ENTPD4: variants seen among roughly 807,000 people sequenced by gnomAD.
ENTPD4 encodes the protein ectonucleoside triphosphate diphosphohydrolase 4.
In ENTPD4, 60 loss-of-function variants were observed where a neutral mutation model predicts 79.1. The ratio of observed to expected loss-of-function variants is 0.76; its 90% CI spans 0.62 to 0.94. ENTPD4 has a LOEUF of 0.94. ENTPD4 is among the 40% of genes least tolerant of loss of function. ENTPD4 has a pLI of 0.00. For missense variants in ENTPD4, 772 were observed against 775.1 expected, an observed-to-expected ratio of 1.00 and a Z score of 0.05; for synonymous variants, 276 against 292.0, an observed-to-expected ratio of 0.95 and a Z score of 0.56.
rs1800461111 is a variant in ENTPD4 at position 23,431,926 on chromosome 8, T to C, written c.*1000A>G. On this transcript the variant is annotated 3_prime_UTR_variant, in exon 13 of 13. Coordinates refer to ENST00000358689, the MANE Select transcript of ENTPD4 (RefSeq NM_004901.5). ...AAAAGATAACAGTAACGAGGATTTT[T>C]CTAAATAAAATGTACCAGTAAATTC... is the stretch of plus-strand genomic sequence containing the variant. The C allele has an allele frequency of 1.0e-6, 1 of 985,320 alleles. No individual in the cohort carries two copies. Among genetic ancestry groups the C allele is most frequent in the Non-Finnish European group, 1.2e-6 (1 of 829,944 alleles). 61.0% of individuals were successfully genotyped at this position (985,320 alleles called of 1,614,324 possible).
Position 23,455,469 on chromosome 8 carries a change from G to A in ENTPD4, c.-98+2088C>T, listed in dbSNP as rs189993374. On this transcript the variant is annotated intron_variant, in intron 1 of 12. Coordinates refer to ENST00000358689, the MANE Select transcript of ENTPD4 (RefSeq NM_004901.5). ...GATGTGGAGGCTGCCGGGTGGCACC[G>A]TTACTCAGTAGTGACAAAAGATACA... Among the ~76,000 whole-genome samples, 406 of 151,734 alleles carry A rather than the reference G, an allele frequency of 2.7e-3. 2 individuals carry two copies. Among genetic ancestry groups the A allele is most frequent in the African/African-American group, 9.4e-3 (389 of 41,258 alleles).
At chr8:23,435,565 A>C (rs1800542754) in intron 10 of ENTPD4, 88 bp from the exon 11 acceptor site, 2 of 897,058 alleles carry the variant, frequency 2.2e-6, no homozygotes, top group Non-Finnish European at 3.6e-6. Flanking sequence ...TATATTTGTA[A>C]CAAGCATATC....
intron 4 of ENTPD4, among the ~76,000 whole-genome samples, chr8:23,447,308 A>G (rs894579147): frequency 9.2e-5 from 14 of 152,246 alleles, no homozygotes; most frequent in African/African-American, 2.4e-5. Context: ...ATATGCCAAT[A>G]TATTACAGAT....
In ENTPD4 at chr8:23,433,260, G is replaced by A; in HGVS notation, c.1623-106C>T. ...CCCAGGCCCCAGAGCTGCACTTTAGGAACTGCAACCCTACCTCTGAAATGG... is the reference window on the plus strand; with the variant it reads ...CCCAGGCCCCAGAGCTGCACTTTAGAAACTGCAACCCTACCTCTGAAATGG... On this transcript the variant is annotated intron_variant, in intron 12 of 12. Coordinates refer to ENST00000358689, the MANE Select transcript of ENTPD4 (RefSeq NM_004901.5). 8.3e-6 allele frequency: 7 copies of A among 842,208 alleles called. No homozygotes were observed. The South Asian group carries it at 1.2e-4, about 14-fold the overall frequency. 52.2% of individuals were successfully genotyped at this position (842,208 alleles called of 1,614,324 possible). A position where few individuals can be genotyped will look rare whatever the true frequency, so the allele number is the denominator to read the frequency against.
Position 23,441,681 on chromosome 8 carries a change from C to T in ENTPD4, c.770G>A (p.Ser257Asn). The T allele has an allele frequency of 1.2e-6, 2 of 1,614,140 alleles. No individual in the cohort carries two copies. The highest frequency in any genetic ancestry group is 1.7e-6 in the Non-Finnish European group (2 of 1,180,022). Residue 257 changes from serine to asparagine, a missense_variant, in exon 8 of 13, where the codon AGC (serine) becomes AAC (asparagine). Transcript: ENST00000358689. ...CCTTTTACGGACAATGGCTTCGCTG[C>T]TTTCACTTCCAGGAATGTTAACTTC... ...VVEVNIPGSE[S>N]SEAIVRKRTA... is the part of the protein sequence containing the mutation.
intron 9 of ENTPD4, 126 bp from the exon 10 acceptor site, chr8:23,437,384 G>A: frequency 1.5e-6 from 1 of 661,300 alleles, no homozygotes. Context: ...CGTGTCTGTG[G>A]AACAGAAAAG....
At chr8:23,450,134 C>CCTG in intron 1 of ENTPD4, 137 bp from the exon 2 acceptor site, 1 of 575,856 alleles carries the variant, frequency 1.7e-6, no homozygotes, top group Non-Finnish European at 3.1e-6. Flanking sequence ...AGGGTTTATT[C>CCTG]TGAGCAACAC....
Position 23,454,461 on chromosome 8 carries a change from C to A in ENTPD4, c.-98+3096G>T, listed in dbSNP as rs553344803. 1.0e-3 allele frequency among the ~76,000 whole-genome samples: 152 copies of A among 152,242 alleles called. 1 individual carries two copies. Among genetic ancestry groups the A allele is most frequent in the African/African-American group, 3.5e-3 (147 of 41,550 alleles). On this transcript the variant is annotated intron_variant, in intron 1 of 12. Coordinates refer to ENST00000358689, the MANE Select transcript of ENTPD4 (RefSeq NM_004901.5). ...ATTTCATGGAGTTTGCAGATTGCTA[C>A]AGAGAAAATACTAATGCCCAGAAAA...
chr8:23,444,448 A>C lies in ENTPD4; in HGVS notation c.563+8T>G. On this transcript the variant is annotated splice_region_variant and intron_variant, in intron 5 of 12. Transcript: ENST00000358689. ...CACCCTCACCCTTGCCCTTCTGTGG[A>C]GGATCACCTTTCGGGGAGGATTCTC... 6.2e-7 allele frequency: 1 copy of C among 1,613,062 alleles called. No homozygotes were observed. Among genetic ancestry groups the C allele is most frequent in the Non-Finnish European group, 8.5e-7 (1 of 1,179,338 alleles).
chr8:23,446,729 C>T (rs1328072398), intron 4 of ENTPD4, among the ~76,000 whole-genome samples: 1 of 151,852 alleles, frequency 6.6e-6, no homozygotes, highest in Non-Finnish European at 1.5e-5. Context: ...AATGAGGACT[C>T]GAGGGGTCAC....
chr8:23,433,202 G>C (rs1392361682), intron 12 of ENTPD4, 48 bp from the exon 13 acceptor site: 2 of 1,547,486 alleles, frequency 1.3e-6, no homozygotes, highest in Non-Finnish European at 1.8e-6. Flanking sequence ...AGCAAGGAAA[G>C]GGGTGGAAAG....
chr8:23,434,136 A>T, intron 12 of ENTPD4, 181 bp downstream of exon 12: 1 of 688,792 alleles, frequency 1.5e-6, no homozygotes, highest in Non-Finnish European at 2.5e-6. Flanking sequence ...GTAGGGTGAG[A>T]AGGGAGGAAG....
chr8:23,439,974 A>C, intron 8 of ENTPD4, 59 bp from the exon 9 acceptor site: 2 of 1,468,332 alleles, frequency 1.4e-6, no homozygotes, highest in Admixed American at 1.8e-5. Flanking sequence ...TCCTACTAAA[A>C]AGAAAAGTCT....
At chr8:23,444,384 G>T in intron 5 of ENTPD4, 72 bp downstream of exon 5, 1 of 1,287,898 alleles carries the variant, frequency 7.8e-7, no homozygotes, top group South Asian at 1.3e-5. Context: ...GGAGAAGGAG[G>T]AAGGGGGAGA....
intron 4 of ENTPD4, among the ~76,000 whole-genome samples, chr8:23,445,556 C>T (rs1393207740): frequency 6.6e-6 from 1 of 152,112 alleles, no homozygotes; most frequent in Non-Finnish European, 1.5e-5. Context: ...CTTCTCCATC[C>T]ACCTCCCTAC....
At chr8:23,443,827 A>C (rs11787224) in intron 6 of ENTPD4, 23 bp downstream of exon 6, 414,129 of 1,476,640 alleles carry the variant, frequency 0.28, 59,819 homozygotes, top group East Asian at 0.45. Flanking sequence ...CCCAAATTTT[A>C]AACTGAAGAC....
rs376406097 is a variant in ENTPD4, at chr8:23,431,414, C to A, written c.*1512G>T. 4.1e-5 allele frequency: 40 copies of A among 985,360 alleles called. No homozygotes were observed. The East Asian group carries it at 2.0e-3, about 50-fold the overall frequency. 61.0% of individuals were successfully genotyped at this position (985,360 alleles called of 1,614,324 possible). A position where few individuals can be genotyped will look rare whatever the true frequency, so the allele number is the denominator to read the frequency against. On this transcript the variant is annotated 3_prime_UTR_variant, in exon 13 of 13. Coordinates refer to ENST00000358689, the MANE Select transcript of ENTPD4 (RefSeq NM_004901.5). Reference sequence around the variant, plus strand: ...ACAAACTCCACCTAAAAAAACTGTACGAGAATTCCCCAAACTTCTCAACTA... The same window carrying A: ...ACAAACTCCACCTAAAAAAACTGTAAGAGAATTCCCCAAACTTCTCAACTA...
At chr8:23,438,636 A>C (rs1800612964) in intron 9 of ENTPD4, among the ~76,000 whole-genome samples, 1 of 152,234 alleles carries the variant, frequency 6.6e-6, no homozygotes, top group African/African-American at 2.4e-5. Flanking sequence ...GTAAAAATTA[A>C]GGTTTCGGAA....
intron 5 of ENTPD4, 146 bp from the exon 6 acceptor site, chr8:23,444,099 T>A (rs1303480047): frequency 1.8e-6 from 1 of 565,896 alleles, no homozygotes; most frequent in East Asian, 3.0e-5. Context: ...AAAAAAGAAA[T>A]TCGTTGGAAA....
Sources: allele counts gnomAD v4.1 joint callset (sites outside exome capture counted in the v4.1 genomes callset), GRCh38; gene constraint gnomAD v4.1.1; transcripts MANE v1.5; gene names NCBI Gene and HGNC (gene_info 2026-07-23, HGNC 2026-07-21).